TENM4: variants seen among roughly 807,000 people sequenced by gnomAD.
TENM4 encodes teneurin transmembrane protein 4.
TENM4 carries 82 observed loss-of-function variants against 243.3 expected under a neutral mutation model. The observed-to-expected ratio is 0.34, with a 90% confidence interval of 0.28 to 0.40. The LOEUF (loss-of-function observed/expected upper bound fraction) is 0.40. Among genes scored for constraint, TENM4 ranks in the 10% least tolerant of loss-of-function variants. TENM4 has a pLI of 1.00. For missense variants in TENM4, 3,138 were observed against 3,673.3 expected, an observed-to-expected ratio of 0.85 and a Z score of 3.77; for synonymous variants, 1,412 against 1,456.3, an observed-to-expected ratio of 0.97 and a Z score of 0.69.
At chr11:79,331,656 AGT>A (rs1857063833) in intron 1 of TENM4, among the ~76,000 whole-genome samples, 1 of 152,198 alleles carries the variant, frequency 6.6e-6, no homozygotes, top group Non-Finnish European at 1.5e-5. Flanking sequence ...CTCACTTCTA[AGT>A]GTTATACAAA....
At chr11:78,711,607 G>A (rs1011271307) in intron 26 of TENM4, among the ~76,000 whole-genome samples, 6 of 152,118 alleles carry the variant, frequency 3.9e-5, no homozygotes, top group African/African-American at 1.4e-4. Context: ...AAACCTAGGA[G>A]GTAGACACGG....
intron 1 of TENM4, among the ~76,000 whole-genome samples, chr11:79,362,908 T>G (rs1217976715): frequency 2.0e-5 from 3 of 152,236 alleles, no homozygotes; most frequent in African/African-American, 2.4e-5. Context: ...TGGCCCACCT[T>G]CTTGTTCCAA....
At chr11:79,414,646 C>T (rs1021976952) in intron 1 of TENM4, among the ~76,000 whole-genome samples, 3 of 152,086 alleles carry the variant, frequency 2.0e-5, no homozygotes, top group African/African-American at 7.2e-5. Flanking sequence ...TCTTTGAGCC[C>T]TATATGTTAT....
chr11:79,175,830 A>G (rs369228684), intron 3 of TENM4, among the ~76,000 whole-genome samples: 8 of 152,212 alleles, frequency 5.3e-5, no homozygotes, highest in African/African-American at 1.7e-4. Flanking sequence ...GGTGGCTGCA[A>G]TCCCAGCATT....
intron 1 of TENM4, among the ~76,000 whole-genome samples, chr11:79,422,570 C>T (rs1236157188): frequency 6.6e-6 from 1 of 152,164 alleles, no homozygotes; most frequent in African/African-American, 2.4e-5. Flanking sequence ...CCATGAGTGC[C>T]TAAAAAACAA....
intron 7 of TENM4, among the ~76,000 whole-genome samples, chr11:78,900,933 C>T (rs1855915523): frequency 6.6e-6 from 1 of 152,134 alleles, no homozygotes; most frequent in African/African-American, 2.4e-5. Flanking sequence ...AATTAAGCAC[C>T]TTTTCCGGCT....
intron 6 of TENM4, among the ~76,000 whole-genome samples, chr11:78,904,528 C>T (rs866698094): frequency 6.6e-6 from 1 of 152,146 alleles, no homozygotes; most frequent in Admixed American, 6.5e-5. Flanking sequence ...GTGAGCCATG[C>T]TGGGGTCCGG....
intron 6 of TENM4, among the ~76,000 whole-genome samples, chr11:79,046,623 G>T (rs1041787640): frequency 2.0e-5 from 3 of 152,198 alleles, no homozygotes; most frequent in Non-Finnish European, 4.4e-5. Flanking sequence ...TGTGAAGGCA[G>T]CACCATGCAG....
intron 6 of TENM4, among the ~76,000 whole-genome samples, chr11:78,917,699 T>A (rs1483274042): frequency 6.6e-6 from 1 of 152,188 alleles, no homozygotes; most frequent in African/African-American, 2.4e-5. Context: ...GCTGGGCTGC[T>A]AGTTAGTCTG....
chr11:79,168,923 A>G (rs1012467018), intron 3 of TENM4, among the ~76,000 whole-genome samples: 2 of 152,322 alleles, frequency 1.3e-5, no homozygotes, highest in South Asian at 2.1e-4. Flanking sequence ...ACTGGATGAC[A>G]TGAGACACAT....
At chr11:78,980,897 G>C (rs1329225696) in intron 6 of TENM4, among the ~76,000 whole-genome samples, 1 of 152,142 alleles carries the variant, frequency 6.6e-6, no homozygotes, top group Admixed American at 6.5e-5. Flanking sequence ...TTTGGAAAGA[G>C]ATTATTATTC....
intron 6 of TENM4, among the ~76,000 whole-genome samples, chr11:78,909,492 T>A (rs552901947): frequency 3.6e-4 from 55 of 152,338 alleles, no homozygotes; most frequent in Middle Eastern, 6.8e-3. Context: ...TAGACCCTAC[T>A]GTTAAACATT....
intron 18 of TENM4, among the ~76,000 whole-genome samples, chr11:78,769,960 A>C (rs1432843909): frequency 2.0e-5 from 3 of 152,196 alleles, no homozygotes; most frequent in African/African-American, 7.2e-5. Flanking sequence ...AAATTCCCAA[A>C]GGTTAGGATG....
intron 4 of TENM4, among the ~76,000 whole-genome samples, chr11:79,099,910 G>A (rs1486796217): frequency 6.6e-6 from 1 of 152,206 alleles, no homozygotes; most frequent in Non-Finnish European, 1.5e-5. Context: ...GGAGCTTTTT[G>A]TTTCTCATGC....
intron 25 of TENM4, among the ~76,000 whole-genome samples, chr11:78,714,019 T>A (rs531593826): frequency 5.3e-5 from 8 of 152,168 alleles, no homozygotes; most frequent in Non-Finnish European, 1.0e-4. Flanking sequence ...GACCGGATGG[T>A]CTGGTGCTGG....
chr11:78,739,278 T>C (rs976083909), intron 19 of TENM4, among the ~76,000 whole-genome samples: 4 of 152,170 alleles, frequency 2.6e-5, no homozygotes, highest in African/African-American at 7.2e-5. Flanking sequence ...CCTCTGTCTG[T>C]GCAATGTTCT....
chr11:79,167,317 C>T (rs954792875), intron 3 of TENM4, among the ~76,000 whole-genome samples: 4 of 152,118 alleles, frequency 2.6e-5, no homozygotes, highest in African/African-American at 9.7e-5. Context: ...ATCTTATGGC[C>T]AGTGGGGACC....
intron 3 of TENM4, among the ~76,000 whole-genome samples, chr11:79,185,329 C>A (rs549722820): frequency 6.6e-6 from 1 of 151,974 alleles, no homozygotes; most frequent in Non-Finnish European, 1.5e-5. Context: ...ACAACAACAA[C>A]AAAAACCCCC....
intron 3 of TENM4, among the ~76,000 whole-genome samples, chr11:79,167,632 C>A (rs1233330920): frequency 6.6e-6 from 1 of 152,192 alleles, no homozygotes; most frequent in African/African-American, 2.4e-5. Flanking sequence ...AAGGTCCACT[C>A]CGACTGCCAG....
Sources: gnomAD v4.1 joint callset for allele counts (sites outside exome capture counted in the v4.1 genomes callset) on GRCh38, gnomAD v4.1.1 for gene constraint, MANE v1.5 for transcripts, NCBI Gene and HGNC (gene_info 2026-07-23, HGNC 2026-07-21) for gene names.